The following COL26A1 variants were observed in gnomAD, a reference collection of about 807,000 sequenced individuals.
The protein encoded by COL26A1 is collagen type XXVI alpha 1 chain, also known as collagen alpha-1(XXVI) chain.
COL26A1 carries 41 observed loss-of-function variants against 59.3 expected under a neutral mutation model. That is an observed-to-expected ratio of 0.69 (90% CI 0.54 to 0.90). The LOEUF (loss-of-function observed/expected upper bound fraction) is 0.90. COL26A1 is among the 40% of genes least tolerant of loss of function. COL26A1 has a pLI of 0.00. For missense variants in COL26A1, 612 were observed against 602.3 expected (o/e 1.02, Z -0.17); for synonymous variants, 266 against 256.0 (o/e 1.04, Z -0.37).
chr7:101,481,011 TGGGTTTCTGGATAA>T (rs774444643), intron 3 of COL26A1, among the ~76,000 whole-genome samples: 70 of 152,292 alleles, frequency 4.6e-4, no homozygotes, highest in Non-Finnish European at 5.9e-4. Flanking sequence ...TCTTGATTTG[TGGGTTTCTGGATAA>T]ATGCTAGTGA....
chr7:101,517,362 T>C (rs34128712), intron 3 of COL26A1, among the ~76,000 whole-genome samples: 16,812 of 150,832 alleles, frequency 0.11, 974 homozygotes, highest in Middle Eastern at 0.14. Context: ...ATACCCAAGA[T>C]TGGGCAATTT....
chr7:101,522,957 T>C (rs1365657887), intron 3 of COL26A1, among the ~76,000 whole-genome samples: 2 of 152,206 alleles, frequency 1.3e-5, no homozygotes, highest in Non-Finnish European at 2.9e-5. Context: ...CATATGATCA[T>C]TGGCCATTTG....
chr7:101,385,367 G>GTGTATATATATA (rs896826101), intron 1 of COL26A1, among the ~76,000 whole-genome samples: 103 of 137,040 alleles, frequency 7.5e-4, no homozygotes, highest in African/African-American at 2.5e-3. Context: ...ATATATGTGT[G>GTGTATATATATA]TATATATATA....
intron 3 of COL26A1, among the ~76,000 whole-genome samples, chr7:101,512,229 C>G (rs2158738): frequency 0.4 from 60,679 of 151,798 alleles, 12,789 homozygotes; most frequent in Middle Eastern, 0.5. Flanking sequence ...TGACTTAGTG[C>G]AAGAGGCAAC....
At chr7:101,379,966 C>T (rs1791408375) in intron 1 of COL26A1, among the ~76,000 whole-genome samples, 1 of 152,162 alleles carries the variant, frequency 6.6e-6, no homozygotes, top group African/African-American at 2.4e-5. Context: ...ATGGAGTAGC[C>T]ATTCTCTATT....
chr7:101,390,978 A>G, intron 1 of COL26A1, among the ~76,000 whole-genome samples: 1 of 151,678 alleles, frequency 6.6e-6, no homozygotes, highest in South Asian at 2.1e-4. Context: ...CTCTAGGTCT[A>G]CTCTTTGGCC....
chr7:101,402,662 C>CCTTT (rs1562963954), intron 1 of COL26A1, among the ~76,000 whole-genome samples: 14 of 45,112 alleles, frequency 3.1e-4, no homozygotes, highest in African/African-American at 1.2e-3. Context: ...TTCCTTCCTT[C>CCTTT]CCTCCCTCCC....
At chr7:101,492,714 ATAAATAAAT>A (rs1383507360) in intron 3 of COL26A1, among the ~76,000 whole-genome samples, 18 of 46,634 alleles carry the variant, frequency 3.9e-4, no homozygotes, top group African/African-American at 3.5e-3. Flanking sequence ...AAATAAATAA[ATAAATAAAT>A]AAATAAATAA....
chr7:101,549,902 G>A (rs551775607), intron 9 of COL26A1, among the ~76,000 whole-genome samples: 7 of 152,286 alleles, frequency 4.6e-5, no homozygotes, highest in Admixed American at 1.3e-4. Context: ...TTGCCCATGG[G>A]GAGGCGGCAC....
rs113719571 is a variant in COL26A1, at chr7:101,370,468, T to C, written c.158+7278T>C. The stretch of plus-strand genomic sequence containing the variant: ...TCACTGCAACCTCCGCTTCCCAGGT[T>C]GAAGCGATTCTCCTGCCTCAGCCTT... On this transcript the variant is annotated intron_variant, in intron 1 of 12. Coordinates refer to ENST00000313669, the MANE Select transcript of COL26A1 (RefSeq NM_001278563.3). Among the ~76,000 whole-genome samples the C allele has an allele frequency of 2.8e-3, 433 of 152,204 alleles. 1 individual carries two copies. Among genetic ancestry groups the C allele is most frequent in the Non-Finnish European group, 4.8e-3 (328 of 67,986 alleles).
chr7:101,369,796 A>G (rs1341579999), intron 1 of COL26A1, among the ~76,000 whole-genome samples: 2 of 152,134 alleles, frequency 1.3e-5, no homozygotes, highest in African/African-American at 2.4e-5. Flanking sequence ...CTGGGGTTAC[A>G]GCATTTTGCA....
intron 3 of COL26A1, among the ~76,000 whole-genome samples, chr7:101,529,182 A>G (rs984671926): frequency 1.3e-5 from 2 of 152,176 alleles, no homozygotes; most frequent in African/African-American, 4.8e-5. Flanking sequence ...AAATTATTTT[A>G]TGTTAGATTC....
chr7:101,465,898 G>A (rs185801003), intron 3 of COL26A1, among the ~76,000 whole-genome samples: 470 of 152,282 alleles, frequency 3.1e-3, no homozygotes, highest in Non-Finnish European at 5.4e-3. Flanking sequence ...AAGATTGTGG[G>A]AATGAGTGTG....
Position 101,558,382 on chromosome 7 carries a change from C to G in COL26A1, c.*852C>G, listed in dbSNP as rs1318557449. Reference sequence around the variant, plus strand: ...CAGTCTTGCTGAGCCCACCCGCTCTCTCTGGGTCCATCCCATCCCTGAGCC... The same window carrying G: ...CAGTCTTGCTGAGCCCACCCGCTCTGTCTGGGTCCATCCCATCCCTGAGCC... On this transcript the variant is annotated 3_prime_UTR_variant, in exon 13 of 13. Transcript: ENST00000313669. 1 of 152,294 alleles carries G rather than the reference C, an allele frequency of 6.6e-6. No individual in the cohort carries two copies. The highest frequency in any genetic ancestry group is 2.4e-5 in the African/African-American group (1 of 41,466). The allele number at this position is 152,294 out of a possible 1,614,324, so 9.4% of individuals were successfully genotyped here.
At chr7:101,536,205 G>A (rs1191578079) in intron 4 of COL26A1, among the ~76,000 whole-genome samples, 6 of 152,176 alleles carry the variant, frequency 3.9e-5, no homozygotes, top group East Asian at 3.9e-4. Flanking sequence ...TAGTAGAGAC[G>A]GGGTTTCCCT....
intron 3 of COL26A1, among the ~76,000 whole-genome samples, chr7:101,463,652 A>ATCCTTCCATCCTTCCT (rs1208334659): frequency 1.7e-5 from 1 of 58,946 alleles, no homozygotes; most frequent in African/African-American, 5.7e-5. Flanking sequence ...CCATCCTTCC[A>ATCCTTCCATCCTTCCT]TCCTTCCATC....
intron 3 of COL26A1, among the ~76,000 whole-genome samples, chr7:101,493,473 C>T (rs1198029779): frequency 6.6e-6 from 1 of 152,160 alleles, no homozygotes; most frequent in African/African-American, 2.4e-5. Flanking sequence ...GTGAGAACAG[C>T]TGTCACCTTG....
intron 2 of COL26A1, among the ~76,000 whole-genome samples, chr7:101,444,051 T>C (rs2130365657): frequency 6.6e-6 from 1 of 152,008 alleles, no homozygotes; most frequent in African/African-American, 2.4e-5. Context: ...TTTTTATTTT[T>C]ATTTTTTGTA....
At chr7:101,380,563 CCTT>C (rs1196631087) in intron 1 of COL26A1, among the ~76,000 whole-genome samples, 38 of 152,128 alleles carry the variant, frequency 2.5e-4, no homozygotes, top group African/African-American at 8.9e-4. Flanking sequence ...CCCTCCTTTA[CCTT>C]CTTAATAAAT....
Sources: gnomAD v4.1 joint callset for allele counts (sites outside exome capture counted in the v4.1 genomes callset) on GRCh38, gnomAD v4.1.1 for gene constraint, MANE v1.5 for transcripts, NCBI Gene and HGNC (gene_info 2026-07-23, HGNC 2026-07-21) for gene names.